TOP2B: variants seen among roughly 807,000 people sequenced by gnomAD.
TOP2B encodes the protein DNA topoisomerase 2-beta.
A neutral mutation model predicts 193.5 loss-of-function variants in TOP2B; 51 were observed. The ratio of observed to expected loss-of-function variants is 0.26; its 90% CI spans 0.21 to 0.33. The LOEUF is 0.33. Ranked by LOEUF, TOP2B falls within the 10% of genes least tolerant of loss-of-function variation. The probability of loss-of-function intolerance (pLI) is 1.00; values close to 1 mark genes in which losing one functional copy is unlikely to be tolerated. For synonymous variants in TOP2B, 634 were observed against 635.7 expected (o/e 1.00, Z 0.04); for missense variants, 1,378 against 1,909.3 (o/e 0.72, Z 5.19).
chr3:25,617,225 A>T (rs4681030), intron 25 of TOP2B, among the ~76,000 whole-genome samples: 23,484 of 150,752 alleles, frequency 0.16, 1,951 homozygotes, highest in East Asian at 0.2. Context: ...TACTTTTTTT[A>T]AAAAAAAACA....
chr3:25,648,162 G>A (rs1703463773), intron 1 of TOP2B, among the ~76,000 whole-genome samples: 1 of 152,156 alleles, frequency 6.6e-6, no homozygotes, highest in African/African-American at 2.4e-5. Context: ...CATTGAACAG[G>A]GTGCCAGGTT....
chr3:25,614,927 T>A (rs945132932), intron 27 of TOP2B, among the ~76,000 whole-genome samples: 1 of 152,028 alleles, frequency 6.6e-6, no homozygotes, highest in Non-Finnish European at 1.5e-5. Flanking sequence ...AGGAAAACAT[T>A]AAACTGAATC....
intron 2 of TOP2B, among the ~76,000 whole-genome samples, chr3:25,644,472 G>A (rs1182776568): frequency 6.6e-6 from 1 of 152,042 alleles, no homozygotes; most frequent in Non-Finnish European, 1.5e-5. Context: ...GGGCCAAGGT[G>A]GATGGATCAC....
At chr3:25,609,829 C>G in intron 28 of TOP2B, 117 bp from the exon 29 acceptor site, 1 of 1,005,196 alleles carries the variant, frequency 9.9e-7, no homozygotes, top group Non-Finnish European at 1.4e-6. Context: ...AACAGTGATT[C>G]TGATGAGGTC....
chr3:25,624,832 T>G (rs770437045), intron 18 of TOP2B, 29 bp from the exon 19 acceptor site: 1 of 1,601,776 alleles, frequency 6.2e-7, no homozygotes, highest in East Asian at 2.2e-5. Context: ...TTTTAAAATG[T>G]TACTTCAAGA....
At chr3:25,606,192 A>T in intron 31 of TOP2B, 70 bp from the exon 32 acceptor site, 1 of 725,760 alleles carries the variant, frequency 1.4e-6, no homozygotes, top group Non-Finnish European at 2.1e-6. Flanking sequence ...GATAAATTAT[A>T]TATAATATTT....
At chr3:25,606,158 A>C (rs1452020156) in intron 31 of TOP2B, 36 bp from the exon 32 acceptor site, 1 of 997,048 alleles carries the variant, frequency 1.0e-6, no homozygotes, top group East Asian at 2.8e-5. Flanking sequence ...AGAGGATACA[A>C]TTTAAATATC....
intron 4 of TOP2B, among the ~76,000 whole-genome samples, chr3:25,639,937 T>C (rs926432080): frequency 6.6e-6 from 1 of 152,168 alleles, no homozygotes; most frequent in African/African-American, 2.4e-5. Flanking sequence ...GAAGTTTATG[T>C]GCACAAATGT....
rs148734994 is a variant in TOP2B at position 25,602,136 on chromosome 3, C to A, written c.4490-911G>T. On this transcript the variant is annotated intron_variant, in intron 33 of 35. Transcript: ENST00000264331. ...TAAGGCCAGTTGCAGTGGCTTACAC[C>A]TGTAATCCCAGAACTTTGGGAGGCC... Among the ~76,000 whole-genome samples, 620 of 152,256 alleles carry A rather than the reference C, an allele frequency of 4.1e-3. 8 individuals carry two copies. Among genetic ancestry groups the A allele is most frequent in the African/African-American group, 0.014 (585 of 41,536 alleles).
chr3:25,635,746 G>A (rs1251762375), intron 7 of TOP2B, among the ~76,000 whole-genome samples, 190 bp downstream of exon 7: 1 of 151,970 alleles, frequency 6.6e-6, no homozygotes, highest in African/African-American at 2.4e-5. Flanking sequence ...AACCAAGAAG[G>A]AAAGGAAAGA....
chr3:25,632,407 C>A (rs1307059415), intron 10 of TOP2B, 39 bp downstream of exon 10: 1 of 1,494,982 alleles, frequency 6.7e-7, no homozygotes, highest in Admixed American at 2.4e-5. Context: ...CTAATCAACT[C>A]TTAATAACAA....
chr3:25,642,413 A>G, intron 3 of TOP2B, 28 bp from the exon 4 acceptor site: 1 of 1,416,482 alleles, frequency 7.1e-7, no homozygotes, highest in Non-Finnish European at 9.7e-7. Context: ...TCAATGAGTA[A>G]TATACAAAAT....
At chr3:25,658,071 A>T (rs59913590) in intron 1 of TOP2B, among the ~76,000 whole-genome samples, 2 of 128,684 alleles carry the variant, frequency 1.6e-5, no homozygotes, top group African/African-American at 2.9e-5. Context: ...AAAAAAAAAA[A>T]AAAAAAATTA....
At chr3:25,631,569 T>C in intron 10 of TOP2B, among the ~76,000 whole-genome samples, 1 of 152,002 alleles carries the variant, frequency 6.6e-6, no homozygotes. Flanking sequence ...CCTCGGTGAT[T>C]TGATGTTAGG....
In TOP2B at chr3:25,601,223, T is replaced by C. The variant is rs970848715; in HGVS notation, c.4492A>G (p.Lys1498Glu). The stretch of plus-strand genomic sequence containing the variant: ...TTAGGGACTGTATCTGAAGACGGTT[T>C]TCCTAGTAAGCAAATTTCCATTTCA... ...PSKTVAAKKG[K>E]PSSDTVPKPK... is the part of the protein sequence containing the mutation. The change falls in exon 34 of 36, where the codon AAA (lysine) becomes GAA (glutamate). Residue 1498 changes from lysine to glutamate, a missense_variant and splice_region_variant. This residue lies in a region of TOP2B where 556 missense variants were observed against 584.2 expected (regional missense o/e 0.95). Coordinates refer to ENST00000264331, the MANE Select transcript of TOP2B (RefSeq NM_001330700.2). 1.2e-6 allele frequency: 2 copies of C among 1,611,920 alleles called. No individual in the cohort carries two copies. Among genetic ancestry groups the C allele is most frequent in the African/African-American group, 2.7e-5 (2 of 74,748 alleles).
At chr3:25,634,912 C>A (rs1281283572) in intron 7 of TOP2B, among the ~76,000 whole-genome samples, 1 of 151,776 alleles carries the variant, frequency 6.6e-6, no homozygotes, top group Non-Finnish European at 1.5e-5. Flanking sequence ...AAAGTCTTTA[C>A]CTATGGAGGA....
chr3:25,663,685 A>G (rs1289067993), intron 1 of TOP2B, among the ~76,000 whole-genome samples: 3 of 152,154 alleles, frequency 2.0e-5, no homozygotes, highest in East Asian at 1.9e-4. Flanking sequence ...GTCATCCCCA[A>G]TGCGCTCTCA....
chr3:25,647,924 T>C (rs1178703619), intron 1 of TOP2B, among the ~76,000 whole-genome samples: 2 of 152,118 alleles, frequency 1.3e-5, no homozygotes, highest in Non-Finnish European at 2.9e-5. Context: ...TAACAAACAA[T>C]CCAACTGCCT....
At chr3:25,614,915 C>T (rs1028081532) in intron 27 of TOP2B, among the ~76,000 whole-genome samples, 1 of 151,884 alleles carries the variant, frequency 6.6e-6, no homozygotes, top group Admixed American at 6.6e-5. Context: ...TTACCTCTTT[C>T]CAGGAAAACA....
Sources: gnomAD v4.1 joint callset for allele counts (sites outside exome capture counted in the v4.1 genomes callset) on GRCh38, gnomAD v4.1.1 for gene constraint, gnomAD v4.1.1 regional missense constraint, MANE v1.5 for transcripts, NCBI Gene and HGNC (gene_info 2026-07-23, HGNC 2026-07-21) for gene names.